The following GLT1D1 variants were observed in gnomAD, a reference collection of about 807,000 sequenced individuals.
The protein encoded by GLT1D1 is glycosyltransferase 1 domain containing 1.
A neutral mutation model predicts 28.7 loss-of-function variants in GLT1D1; 21 were observed. The ratio of observed to expected loss-of-function variants is 0.73; its 90% CI spans 0.52 to 1.05. The LOEUF (loss-of-function observed/expected upper bound fraction) is 1.05, where lower values mean the gene tolerates loss of function less well. Ranked by LOEUF, GLT1D1 falls within the 50% of genes least tolerant of loss-of-function variation. The pLI is 0.00. For synonymous variants in GLT1D1, 147 were observed against 124.8 expected, an observed-to-expected ratio of 1.18 and a Z score of -1.19; for missense variants, 343 against 330.6, an observed-to-expected ratio of 1.04 and a Z score of -0.29.
chr12:128,856,085 A>G (rs1287733840), intron 1 of GLT1D1, among the ~76,000 whole-genome samples: 1 of 152,048 alleles, frequency 6.6e-6, no homozygotes, highest in Non-Finnish European at 1.5e-5. Flanking sequence ...TTTCTTGATG[A>G]TATGCTAAAC....
At chr12:128,928,019 A>AAAC (rs1566141181) in intron 4 of GLT1D1, among the ~76,000 whole-genome samples, 5 of 150,118 alleles carry the variant, frequency 3.3e-5, no homozygotes, top group Non-Finnish European at 7.4e-5. Context: ...AAAAAAAAAA[A>AAAC]AAAAAACAAA....
At chr12:128,869,260 G>A (rs1956624530) in intron 1 of GLT1D1, among the ~76,000 whole-genome samples, 1 of 152,106 alleles carries the variant, frequency 6.6e-6, no homozygotes. Flanking sequence ...TTGTCTTCCA[G>A]GGCTAAAGCC....
intron 6 of GLT1D1, among the ~76,000 whole-genome samples, chr12:128,954,933 A>C (rs1481764917): frequency 6.6e-6 from 1 of 152,224 alleles, no homozygotes; most frequent in Admixed American, 6.5e-5. Context: ...CAGCCCGGGC[A>C]ACAGAGTGAG....
chr12:128,971,896 C>T (rs1006064516), intron 7 of GLT1D1, among the ~76,000 whole-genome samples: 2 of 133,324 alleles, frequency 1.5e-5, no homozygotes, highest in African/African-American at 3.0e-5. Context: ...CCTTTCTGTG[C>T]GCCATTGACC....
intron 4 of GLT1D1, 183 bp from the exon 9 acceptor site, chr12:128,945,143 T>C: frequency 1.4e-6 from 1 of 737,030 alleles, no homozygotes; most frequent in South Asian, 1.5e-5. Flanking sequence ...GACGACACAG[T>C]GCCCTTGCCC....
chr12:128,922,865 G>C (rs1872781417), intron 4 of GLT1D1, among the ~76,000 whole-genome samples: 1 of 143,116 alleles, frequency 7.0e-6, no homozygotes, highest in African/African-American at 2.6e-5. Context: ...AGAGGTTGCA[G>C]TGAGCCGAGA....
At chr12:128,913,172 A>G (rs1459981833) in intron 4 of GLT1D1, among the ~76,000 whole-genome samples, 1 of 152,012 alleles carries the variant, frequency 6.6e-6, no homozygotes. Flanking sequence ...TTCTGCCCCT[A>G]TGGTGGCATC....
At chr12:128,896,369 A>T (rs897947841) in intron 3 of GLT1D1, among the ~76,000 whole-genome samples, 2 of 152,152 alleles carry the variant, frequency 1.3e-5, no homozygotes, top group African/African-American at 4.8e-5. Flanking sequence ...ACTAAAAAAA[A>T]TGGCTGTCCC....
At chr12:128,921,455 T>C (rs1044986053) in intron 4 of GLT1D1, among the ~76,000 whole-genome samples, 1 of 151,992 alleles carries the variant, frequency 6.6e-6, no homozygotes, top group Non-Finnish European at 1.5e-5. Flanking sequence ...GGCTTGCATG[T>C]AGTCAGCCTA....
chr12:128,860,306 C>T (rs1356945487), intron 1 of GLT1D1, among the ~76,000 whole-genome samples: 3 of 152,170 alleles, frequency 2.0e-5, no homozygotes, highest in Non-Finnish European at 4.4e-5. Context: ...ACTGAAAATA[C>T]AAAAATTAGC....
chr12:128,939,994 A>ATG (rs1450554694), intron 4 of GLT1D1, among the ~76,000 whole-genome samples: 1 of 151,752 alleles, frequency 6.6e-6, no homozygotes, highest in Non-Finnish European at 1.5e-5. Context: ...GTACACACAT[A>ATG]TGTGTGCATA....
chr12:128,873,468 C>T (rs527825038), intron 1 of GLT1D1, among the ~76,000 whole-genome samples: 1 of 152,330 alleles, frequency 6.6e-6, no homozygotes, highest in South Asian at 2.1e-4. Context: ...TGCTACTTCA[C>T]AGCTGCAGTG....
chr12:128,928,215 G>A (rs931864121), intron 4 of GLT1D1, among the ~76,000 whole-genome samples: 54 of 152,146 alleles, frequency 3.5e-4, no homozygotes, highest in African/African-American at 1.3e-3. Context: ...GCATCAGATG[G>A]CAGGTGACAC....
chr12:128,894,768 T>C (rs560171376), intron 3 of GLT1D1, among the ~76,000 whole-genome samples: 32 of 152,148 alleles, frequency 2.1e-4, no homozygotes, highest in Middle Eastern at 3.4e-3. Flanking sequence ...GAGAGTTGCT[T>C]GAACCCAGGA....
At chr12:128,956,970 G>A (rs910118886) in intron 6 of GLT1D1, among the ~76,000 whole-genome samples, 4 of 152,220 alleles carry the variant, frequency 2.6e-5, no homozygotes, top group Admixed American at 1.3e-4. Context: ...GCTGCACACT[G>A]TGCTGTCAGG....
intron 7 of GLT1D1, among the ~76,000 whole-genome samples, chr12:128,979,398 G>T (rs925262697): frequency 1.3e-5 from 2 of 152,058 alleles, no homozygotes; most frequent in African/African-American, 4.8e-5. Context: ...TTGGTGGCGG[G>T]GTTCAGTTTC....
intron 6 of GLT1D1, among the ~76,000 whole-genome samples, chr12:128,954,830 TG>T (rs1169917152): frequency 6.6e-6 from 1 of 152,182 alleles, no homozygotes; most frequent in African/African-American, 2.4e-5. Flanking sequence ...GGCATGTGCC[TG>T]TAGTCCCAGC....
chr12:128,879,458 C>CTTTT (rs796391633), intron 2 of GLT1D1, among the ~76,000 whole-genome samples: 2 of 88,230 alleles, frequency 2.3e-5, no homozygotes, highest in Admixed American at 2.6e-4. Context: ...TTCTTTCTTT[C>CTTTT]TTTTTTTTGG....
At chr12:128,948,056 CTG>C (rs1876306875) in intron 6 of GLT1D1, among the ~76,000 whole-genome samples, 1 of 152,166 alleles carries the variant, frequency 6.6e-6, no homozygotes, top group Non-Finnish European at 1.5e-5. Flanking sequence ...ACCAGCATAT[CTG>C]TGTTTTCAGG....
Sources: allele counts gnomAD v4.1 joint callset (sites outside exome capture counted in the v4.1 genomes callset), GRCh38; gene constraint gnomAD v4.1.1; transcripts MANE v1.5; gene names NCBI Gene and HGNC (gene_info 2026-07-23, HGNC 2026-07-21).